The following LRRC4C variants were observed in gnomAD, a reference collection of about 807,000 sequenced individuals.
LRRC4C encodes the protein leucine-rich repeat-containing protein 4C.
Under a neutral mutation model 33.6 loss-of-function variants are expected in LRRC4C, and 5 were observed. The ratio of observed to expected loss-of-function variants is 0.15; its 90% CI spans 0.08 to 0.31. The LOEUF is 0.31. Ranked by LOEUF, LRRC4C falls within the 10% of genes least tolerant of loss-of-function variation. The pLI, the probability that LRRC4C is intolerant of heterozygous loss-of-function variation, is 1.00. For missense variants in LRRC4C, 560 were observed against 796.7 expected, an observed-to-expected ratio of 0.70 and a Z score of 3.58; for synonymous variants, 329 against 302.0, an observed-to-expected ratio of 1.09 and a Z score of -0.93.
intron 2 of LRRC4C, among the ~76,000 whole-genome samples, chr11:40,868,284 T>G (rs1303340103): frequency 6.6e-6 from 1 of 152,140 alleles, no homozygotes; most frequent in South Asian, 2.1e-4. Flanking sequence ...TGGTTTTAAT[T>G]GCCATAATGG....
In LRRC4C at chr11:41,104,714, TATAG is replaced by T. The variant is rs142178762; in HGVS notation, c.-495-170995_-495-170992del. Among the ~76,000 whole-genome samples, 1,372 of 152,018 alleles carry T rather than the reference TATAG, an allele frequency of 9.0e-3. 9 individuals carry two copies. The highest frequency in any genetic ancestry group is 0.013 in the Non-Finnish European group (889 of 67,860). ...AGCTAAAAAGTGAAAACAATAAAAA[TATAG>T]ATAAACTGTTGAACATATGAAAATA... On this transcript the variant is annotated intron_variant, in intron 1 of 6. Transcript: ENST00000528697.
At chr11:41,414,021 TCTAA>T (rs1291485431) in intron 1 of LRRC4C, among the ~76,000 whole-genome samples, 1 of 152,186 alleles carries the variant, frequency 6.6e-6, no homozygotes, top group African/African-American at 2.4e-5. Flanking sequence ...GGGTTTCTGT[TCTAA>T]CTTTCACTTC....
chr11:40,440,425 T>A (rs1951341702), intron 3 of LRRC4C, among the ~76,000 whole-genome samples: 1 of 151,860 alleles, frequency 6.6e-6, no homozygotes, highest in Admixed American at 6.6e-5. Context: ...ATATTTAAAG[T>A]AGAATATATA....
At chr11:41,452,141 G>T (rs943930068) in intron 1 of LRRC4C, among the ~76,000 whole-genome samples, 10 of 151,906 alleles carry the variant, frequency 6.6e-5, no homozygotes, top group Non-Finnish European at 1.5e-4. Context: ...TATCTACTGG[G>T]GTCAAGGTAT....
At chr11:41,186,336 G>T (rs1357969634) in intron 1 of LRRC4C, among the ~76,000 whole-genome samples, 1 of 152,134 alleles carries the variant, frequency 6.6e-6, no homozygotes, top group Non-Finnish European at 1.5e-5. Flanking sequence ...ATCTTTTAGT[G>T]CCACTAAATA....
chr11:40,462,101 A>C (rs1430668073), intron 3 of LRRC4C, among the ~76,000 whole-genome samples: 1 of 152,028 alleles, frequency 6.6e-6, no homozygotes, highest in East Asian at 1.9e-4. Context: ...AGTGTTTGTA[A>C]ATGGCCCCAA....
chr11:40,978,503 C>T (rs890388177), intron 1 of LRRC4C, among the ~76,000 whole-genome samples: 1 of 152,138 alleles, frequency 6.6e-6, no homozygotes, highest in Non-Finnish European at 1.5e-5. Flanking sequence ...TATTGCTAAA[C>T]ATTCTACAGT....
intron 2 of LRRC4C, among the ~76,000 whole-genome samples, chr11:40,926,318 T>C (rs1259571631): frequency 1.3e-5 from 2 of 152,140 alleles, no homozygotes; most frequent in South Asian, 2.1e-4. Flanking sequence ...GTAGACATGA[T>C]GCAGCTAAGG....
At chr11:40,876,402 A>G (rs1486458102) in intron 2 of LRRC4C, among the ~76,000 whole-genome samples, 1 of 151,434 alleles carries the variant, frequency 6.6e-6, no homozygotes, top group Non-Finnish European at 1.5e-5. Flanking sequence ...GAAATATGTC[A>G]GAAATCCCAG....
At chr11:40,312,913 C>T (rs1252222795) in intron 4 of LRRC4C, among the ~76,000 whole-genome samples, 1 of 151,322 alleles carries the variant, frequency 6.6e-6, no homozygotes, top group Non-Finnish European at 1.5e-5. Context: ...CCTTCACTGA[C>T]CAGGTGCCCT....
intron 3 of LRRC4C, among the ~76,000 whole-genome samples, chr11:40,626,941 C>G (rs11035973): frequency 2.6e-5 from 4 of 152,106 alleles, no homozygotes; most frequent in Non-Finnish European, 5.9e-5. Flanking sequence ...TATGTAACAA[C>G]GATTTTTCCC....
At chr11:41,370,453 G>T (rs1156384111) in intron 1 of LRRC4C, among the ~76,000 whole-genome samples, 1 of 152,058 alleles carries the variant, frequency 6.6e-6, no homozygotes, top group Non-Finnish European at 1.5e-5. Flanking sequence ...TGAATCATGG[G>T]GGCGGCTCCC....
At chr11:40,162,558 G>C (rs1859243860) in intron 5 of LRRC4C, among the ~76,000 whole-genome samples, 1 of 152,004 alleles carries the variant, frequency 6.6e-6, no homozygotes, top group South Asian at 2.1e-4. Flanking sequence ...CACTTGTATA[G>C]TACTCTCCAC....
intron 1 of LRRC4C, among the ~76,000 whole-genome samples, chr11:41,028,780 T>C (rs1382150092): frequency 6.6e-6 from 1 of 151,704 alleles, no homozygotes; most frequent in Non-Finnish European, 1.5e-5. Context: ...GAATGTTTTT[T>C]TTTCTTTCCC....
intron 3 of LRRC4C, among the ~76,000 whole-genome samples, chr11:40,621,891 T>C (rs908423598): frequency 6.6e-6 from 1 of 151,994 alleles, no homozygotes; most frequent in African/African-American, 2.4e-5. Context: ...TCTATTATTC[T>C]GATAATGATT....
intron 3 of LRRC4C, among the ~76,000 whole-genome samples, chr11:40,488,158 T>C (rs530050032): frequency 8.5e-4 from 130 of 152,160 alleles, no homozygotes; most frequent in Non-Finnish European, 1.4e-3. Context: ...TGGGAACATA[T>C]ATTAACTAGG....
chr11:40,623,641 A>G (rs1006300946), intron 3 of LRRC4C, among the ~76,000 whole-genome samples: 1 of 152,094 alleles, frequency 6.6e-6, no homozygotes, highest in Non-Finnish European at 1.5e-5. Context: ...ATTGAACACT[A>G]TATATGCACA....
At chr11:41,206,918 C>T (rs1946624054) in intron 1 of LRRC4C, among the ~76,000 whole-genome samples, 1 of 152,002 alleles carries the variant, frequency 6.6e-6, no homozygotes, top group Admixed American at 6.6e-5. Flanking sequence ...GACTCTAGAG[C>T]TTTTCCTATT....
intron 3 of LRRC4C, among the ~76,000 whole-genome samples, chr11:40,439,448 CATTT>C (rs1392103398): frequency 6.7e-6 from 1 of 150,234 alleles, no homozygotes; most frequent in East Asian, 2.0e-4. Context: ...TAAATTAATC[CATTT>C]ATTCTTTTTT....
Sources: allele counts gnomAD v4.1 joint callset (sites outside exome capture counted in the v4.1 genomes callset), GRCh38; gene constraint gnomAD v4.1.1; transcripts MANE v1.5; gene names NCBI Gene and HGNC (gene_info 2026-07-23, HGNC 2026-07-21).